JAZF1: variants seen among roughly 807,000 people sequenced by gnomAD.
JAZF1 encodes the protein juxtaposed with another zinc finger protein 1.
A neutral mutation model predicts 26.4 loss-of-function variants in JAZF1; 8 were observed. The ratio of observed to expected loss-of-function variants is 0.30; its 90% CI spans 0.18 to 0.55. The LOEUF (loss-of-function observed/expected upper bound fraction) is 0.55, where lower values mean the gene tolerates loss of function less well. JAZF1 is among the 20% of genes least tolerant of loss of function. The pLI is 0.94. For missense variants in JAZF1, 199 were observed against 322.0 expected (o/e 0.62, Z 2.92); for synonymous variants, 126 against 122.3 (o/e 1.03, Z -0.20).
At chr7:27,986,300 G>A (rs994630101) in intron 2 of JAZF1, among the ~76,000 whole-genome samples, 6 of 152,148 alleles carry the variant, frequency 3.9e-5, no homozygotes, top group Non-Finnish European at 8.8e-5. Context: ...AAAATCACAA[G>A]CATTCCTATA....
At chr7:28,031,463 C>T (rs1562564519) in intron 1 of JAZF1, among the ~76,000 whole-genome samples, 3 of 152,172 alleles carry the variant, frequency 2.0e-5, no homozygotes, top group Admixed American at 6.5e-5. Context: ...CAGATTGCTT[C>T]TGAGACTAGG....
Position 27,867,438 on chromosome 7 carries a change from C to T in JAZF1, c.386-26571G>A, listed in dbSNP as rs186198278. Among the ~76,000 whole-genome samples, 383 of 152,308 alleles carry T rather than the reference C, an allele frequency of 2.5e-3. 2 individuals carry two copies. The highest frequency in any genetic ancestry group is 8.4e-3 in the African/African-American group (350 of 41,582). On this transcript the variant is annotated intron_variant, in intron 3 of 4. Coordinates refer to ENST00000283928, the MANE Select transcript of JAZF1 (RefSeq NM_175061.4). ...CCCATAAAAGCTTAGTTTCACACTT[C>T]GTCCCATGGGGAAACTACAGCCTGT...
At chr7:27,937,555 C>T (rs62451130) in intron 2 of JAZF1, among the ~76,000 whole-genome samples, 9,718 of 152,072 alleles carry the variant, frequency 0.064, 361 homozygotes, top group South Asian at 0.1. Context: ...AGCATATGTG[C>T]TAATTGAAAA....
chr7:27,921,807 G>A (rs1442230248), intron 2 of JAZF1, among the ~76,000 whole-genome samples: 1 of 152,162 alleles, frequency 6.6e-6, no homozygotes, highest in Admixed American at 6.5e-5. Context: ...CGAGGTGGTA[G>A]GACTGCTCGA....
chr7:28,150,537 G>A lies in JAZF1; in HGVS notation c.115+29926C>T, dbSNP rs564336665. ...AACTTGAAGAAACAGTCATGACAGCGTGTCTATGTTTTTTTCTCATTGCAT... is the reference window on the plus strand; with the variant it reads ...AACTTGAAGAAACAGTCATGACAGCATGTCTATGTTTTTTTCTCATTGCAT... On this transcript the variant is annotated intron_variant, in intron 1 of 4. Transcript: ENST00000283928. Among the ~76,000 whole-genome samples, 5 of 152,354 alleles carry A rather than the reference G, an allele frequency of 3.3e-5. No individual in the cohort carries two copies. In the South Asian group the frequency reaches 1.0e-3, roughly 32 times the overall value.
intron 1 of JAZF1, among the ~76,000 whole-genome samples, chr7:28,128,867 C>G (rs1274902135): frequency 6.6e-6 from 1 of 152,128 alleles, no homozygotes; most frequent in South Asian, 2.1e-4. Context: ...ATGACTTCTT[C>G]AAAAGAATGT....
intron 1 of JAZF1, among the ~76,000 whole-genome samples, chr7:28,001,270 T>C (rs1194440432): frequency 6.6e-6 from 1 of 152,018 alleles, no homozygotes; most frequent in Non-Finnish European, 1.5e-5. Flanking sequence ...GAGAATCGTT[T>C]GAACACGGGA....
intron 3 of JAZF1, among the ~76,000 whole-genome samples, chr7:27,893,919 G>A (rs531356584): frequency 7.8e-4 from 119 of 152,334 alleles, no homozygotes; most frequent in Non-Finnish European, 1.1e-3. Context: ...GGGGTAAGCT[G>A]AGAAGTGCAC....
intron 2 of JAZF1, among the ~76,000 whole-genome samples, chr7:27,935,873 A>T (rs1784756992): frequency 6.6e-6 from 1 of 152,176 alleles, no homozygotes. Context: ...TGGTGAGGTC[A>T]CACAGCAGCA....
intron 1 of JAZF1, among the ~76,000 whole-genome samples, chr7:28,158,149 G>GCA (rs142020917): frequency 0.1 from 13,564 of 130,860 alleles, 920 homozygotes; most frequent in East Asian, 0.48. Context: ...AAACACGCGC[G>GCA]CACACACACA....
chr7:28,106,284 T>C (rs763451971), intron 1 of JAZF1, among the ~76,000 whole-genome samples: 1 of 152,192 alleles, frequency 6.6e-6, no homozygotes, highest in African/African-American at 2.4e-5. Flanking sequence ...TAACTCCACA[T>C]TGGGGTTGAT....
At chr7:28,116,393 T>C (rs1474775360) in intron 1 of JAZF1, among the ~76,000 whole-genome samples, 4 of 152,228 alleles carry the variant, frequency 2.6e-5, no homozygotes, top group African/African-American at 9.6e-5. Flanking sequence ...ATTCTCTTAT[T>C]ATGTGTAAGG....
chr7:27,855,385 G>C (rs1040457036), intron 3 of JAZF1, among the ~76,000 whole-genome samples: 3 of 151,960 alleles, frequency 2.0e-5, no homozygotes, highest in African/African-American at 7.3e-5. Context: ...CAGAACTGAA[G>C]GAGATAGAGA....
intron 1 of JAZF1, among the ~76,000 whole-genome samples, chr7:28,152,466 AC>A (rs1783126279): frequency 6.6e-6 from 1 of 152,130 alleles, no homozygotes; most frequent in African/African-American, 2.4e-5. Flanking sequence ...TACTGAGCAC[AC>A]CTTTTCCTCT....
intron 1 of JAZF1, among the ~76,000 whole-genome samples, chr7:28,081,446 T>C (rs1282836102): frequency 6.6e-6 from 1 of 152,138 alleles, no homozygotes; most frequent in Non-Finnish European, 1.5e-5. Context: ...TAAGGTTTGG[T>C]CATAACCAGC....
intron 1 of JAZF1, among the ~76,000 whole-genome samples, chr7:28,113,371 C>G (rs1784693256): frequency 6.6e-6 from 1 of 152,174 alleles, no homozygotes; most frequent in Non-Finnish European, 1.5e-5. Flanking sequence ...CTCCTGTCCT[C>G]TCTCCCTGGG....
At chr7:28,140,030 C>T (rs969524259) in intron 1 of JAZF1, among the ~76,000 whole-genome samples, 1 of 150,760 alleles carries the variant, frequency 6.6e-6, no homozygotes, top group Middle Eastern at 3.5e-3. Flanking sequence ...CTTACTCTGA[C>T]AAAGTAAGTT....
chr7:27,877,270 T>C (rs1783694693), intron 3 of JAZF1, among the ~76,000 whole-genome samples: 1 of 152,222 alleles, frequency 6.6e-6, no homozygotes, highest in African/African-American at 2.4e-5. Context: ...GGTCAAGCCT[T>C]CTCTGAGAAA....
chr7:27,994,484 A>G (rs937623727), intron 1 of JAZF1, among the ~76,000 whole-genome samples: 1 of 152,006 alleles, frequency 6.6e-6, no homozygotes, highest in Non-Finnish European at 1.5e-5. Context: ...CACACACACA[A>G]AAAACCATTT....
Sources: gnomAD v4.1 joint callset for allele counts (sites outside exome capture counted in the v4.1 genomes callset) on GRCh38, gnomAD v4.1.1 for gene constraint, MANE v1.5 for transcripts, NCBI Gene and HGNC (gene_info 2026-07-23, HGNC 2026-07-21) for gene names.